The following DGCR8 variants were observed in gnomAD, a reference collection of about 807,000 sequenced individuals.
DGCR8 encodes microprocessor complex subunit DGCR8.
In DGCR8, 14 loss-of-function variants were observed where a neutral mutation model predicts 78.5. The ratio of observed to expected loss-of-function variants is 0.18; its 90% CI spans 0.12 to 0.28. The LOEUF is 0.28. Ranked by LOEUF, DGCR8 falls within the 10% of genes least tolerant of loss-of-function variation. DGCR8 has a pLI of 1.00. For synonymous variants in DGCR8, 399 were observed against 402.4 expected (o/e 0.99, Z 0.10); for missense variants, 702 against 1,022.5 (o/e 0.69, Z 4.28).
In DGCR8 at chr22:20,110,738, C is replaced by T. The variant is rs899171858; in HGVS notation, c.*630C>T. The T allele has an allele frequency of 1.8e-5, 3 of 162,766 alleles. No homozygotes were observed. Among genetic ancestry groups the T allele is most frequent in the South Asian group, 2.0e-4 (1 of 4,916 alleles). The allele number at this position is 162,766 out of a possible 1,614,324, so 10.1% of individuals were successfully genotyped here. On this transcript the variant is annotated 3_prime_UTR_variant, in exon 14 of 14. Coordinates refer to ENST00000351989, the MANE Select transcript of DGCR8 (RefSeq NM_022720.7). Reference sequence around the variant, plus strand: ...TGGAGGCAAACCATCAAGGTGGTCCCTCTCCAGTCTGGACACGATGCCAGC... The same window carrying T: ...TGGAGGCAAACCATCAAGGTGGTCCTTCTCCAGTCTGGACACGATGCCAGC...
At chr22:20,092,931 A>G (rs1435457918) in intron 8 of DGCR8, 24 bp downstream of exon 8, 5 of 1,592,926 alleles carry the variant, frequency 3.1e-6, no homozygotes, top group East Asian at 4.5e-5. Context: ...TTGGGTGTCA[A>G]AGATACGTGC....
At chr22:20,095,667 G>A (rs967529128) in intron 9 of DGCR8, among the ~76,000 whole-genome samples, 28 of 152,268 alleles carry the variant, frequency 1.8e-4, no homozygotes, top group African/African-American at 5.3e-4. Flanking sequence ...TTCCACAGAC[G>A]GTGTTGGGGG....
At position 20,111,153 on chromosome 22, in the gene DGCR8, TCTC is replaced by T. The variant is rs986046997; in HGVS notation, c.*1046_*1048del. ...GCAGCTGCCTGGTGCCCAGCTTGCTTCTCGACTGGTGGCCCCTATGGGTGGGTG... is the reference window on the plus strand; with the variant it reads ...GCAGCTGCCTGGTGCCCAGCTTGCTTGACTGGTGGCCCCTATGGGTGGGTG... On this transcript the variant is annotated 3_prime_UTR_variant, in exon 14 of 14. Coordinates refer to ENST00000351989, the MANE Select transcript of DGCR8 (RefSeq NM_022720.7). 1.2e-4 allele frequency: 48 copies of T among 398,652 alleles called. 1 individual carries two copies. The highest frequency in any genetic ancestry group is 6.2e-4 in the Middle Eastern group (1 of 1,610). The allele number at this position is 398,652 out of a possible 1,614,324, so 24.7% of individuals were successfully genotyped here. A position where few individuals can be genotyped will look rare whatever the true frequency, so the allele number is the denominator to read the frequency against.
chr22:20,083,380 T>TGA (rs2049438995), intron 1 of DGCR8, among the ~76,000 whole-genome samples: 1 of 150,782 alleles, frequency 6.6e-6, no homozygotes, highest in African/African-American at 2.4e-5. Flanking sequence ...TGTGTGTGTG[T>TGA]GATGAATGGA....
intron 1 of DGCR8, among the ~76,000 whole-genome samples, chr22:20,083,207 C>G (rs2049437368): frequency 6.6e-6 from 1 of 152,144 alleles, no homozygotes; most frequent in South Asian, 2.1e-4. Flanking sequence ...ACTGCCTCCC[C>G]TTCTTCAGGC....
chr22:20,106,858 C>G (rs2049776409), intron 11 of DGCR8, 160 bp downstream of exon 11: 1 of 622,586 alleles, frequency 1.6e-6, no homozygotes, highest in Non-Finnish European at 2.9e-6. Context: ...GGACTGGCAG[C>G]CGTCCTGCCT....
chr22:20,093,233 C>G (rs2049587411), intron 8 of DGCR8, among the ~76,000 whole-genome samples: 1 of 152,032 alleles, frequency 6.6e-6, no homozygotes, highest in Middle Eastern at 3.4e-3. Context: ...GTGAAACCCT[C>G]TCTCTACTAA....
At chr22:20,094,826 C>T (rs753911000) in intron 9 of DGCR8, 31 bp downstream of exon 9, 3 of 1,601,196 alleles carry the variant, frequency 1.9e-6, no homozygotes, top group South Asian at 2.2e-5. Flanking sequence ...CTGCTGGGAG[C>T]TGTGTGTGCA....
At chr22:20,098,156 T>A (rs174890) in intron 9 of DGCR8, among the ~76,000 whole-genome samples, 50,274 of 145,450 alleles carry the variant, frequency 0.35, 9,745 homozygotes, top group Non-Finnish European at 0.45. Flanking sequence ...AGAAAAAAAA[T>A]ATATATATAT....
chr22:20,092,687 A>C (rs1291707483), intron 7 of DGCR8, 122 bp from the exon 8 acceptor site: 1 of 760,036 alleles, frequency 1.3e-6, no homozygotes, highest in Non-Finnish European at 2.1e-6. Flanking sequence ...GCAGTCAAGC[A>C]CAGGCCCACT....
At chr22:20,088,920 C>T (rs560303696) in intron 3 of DGCR8, among the ~76,000 whole-genome samples, 47 of 152,114 alleles carry the variant, frequency 3.1e-4, no homozygotes, top group Non-Finnish European at 4.9e-4. Context: ...GTAGCCAGGA[C>T]TATAGGTGTA....
At chr22:20,092,259 T>G (rs2049574345) in intron 7 of DGCR8, among the ~76,000 whole-genome samples, 1 of 152,186 alleles carries the variant, frequency 6.6e-6, no homozygotes, top group South Asian at 2.1e-4. Flanking sequence ...ACAGCCTTAT[T>G]GCGAGCAAGG....
At chr22:20,090,300 C>T (rs1213523107) in intron 5 of DGCR8, 42 bp downstream of exon 5, 2 of 1,541,774 alleles carry the variant, frequency 1.3e-6, no homozygotes, top group Admixed American at 4.3e-5. Context: ...CTCCTGGGAC[C>T]CATGAGCTTT....
At chr22:20,096,228 A>G (rs1175065246) in intron 9 of DGCR8, among the ~76,000 whole-genome samples, 2 of 152,134 alleles carry the variant, frequency 1.3e-5, no homozygotes, top group African/African-American at 4.8e-5. Flanking sequence ...GAGAAAATTT[A>G]TTTACTGTTC....
chr22:20,086,747 C>A lies in DGCR8; in HGVS notation c.720+64C>A. The stretch of plus-strand genomic sequence containing the variant: ...AACCCAAAGAGAGATTTGGGAATTG[C>A]AGCATCTTTTGAAAGCAGGGAAATT... On this transcript the variant is annotated intron_variant, in intron 2 of 13. Coordinates refer to ENST00000351989, the MANE Select transcript of DGCR8 (RefSeq NM_022720.7). This position sits in a 1 kb window ranked among gnomAD's most constrained non-coding sequence, Gnocchi z 6.4. 7 of 1,417,056 alleles carry A rather than the reference C, an allele frequency of 4.9e-6. No homozygotes were observed. Among genetic ancestry groups the A allele is most frequent in the Non-Finnish European group, 6.6e-6 (7 of 1,064,832 alleles). 87.8% of individuals were successfully genotyped at this position (1,417,056 alleles called of 1,614,324 possible).
intron 9 of DGCR8, among the ~76,000 whole-genome samples, chr22:20,103,625 T>C (rs1234085967): frequency 6.6e-6 from 1 of 152,188 alleles, no homozygotes; most frequent in Non-Finnish European, 1.5e-5. Flanking sequence ...TGCATCTGTG[T>C]TCTTGGTGTT....
intron 7 of DGCR8, 31 bp from the exon 8 acceptor site, chr22:20,092,778 A>T: frequency 6.3e-7 from 1 of 1,582,326 alleles, no homozygotes; most frequent in Non-Finnish European, 8.7e-7. Flanking sequence ...CTTGACTCGT[A>T]TGTTTTAAAA....
intron 9 of DGCR8, chr22:20,101,307 T>C (rs2049698137): frequency 1.0e-6 from 1 of 984,754 alleles, no homozygotes; most frequent in African/African-American, 1.7e-5. Flanking sequence ...CTGGGCGCGG[T>C]GGCTCACGCC....
At chr22:20,098,531 T>G (rs777387858) in intron 9 of DGCR8, among the ~76,000 whole-genome samples, 8 of 152,208 alleles carry the variant, frequency 5.3e-5, no homozygotes, top group Non-Finnish European at 1.2e-4. Flanking sequence ...CTCACCTCCC[T>G]TAAGTTTATA....
Sources: allele counts gnomAD v4.1 joint callset (sites outside exome capture counted in the v4.1 genomes callset), GRCh38; gene constraint gnomAD v4.1.1; non-coding constraint Gnocchi (gnomAD v3.1); transcripts MANE v1.5; gene names NCBI Gene and HGNC (gene_info 2026-07-23, HGNC 2026-07-21).